FAM78B: variants seen among roughly 807,000 people sequenced by gnomAD.
FAM78B encodes the protein family with sequence similarity 78 member B.
Under a neutral mutation model 20.0 loss-of-function variants are expected in FAM78B, and 10 were observed. The observed-to-expected ratio is 0.50, with a 90% CI of 0.31 to 0.85. The LOEUF (loss-of-function observed/expected upper bound fraction) is 0.85. Ranked by LOEUF, FAM78B falls within the 40% of genes least tolerant of loss-of-function variation. The probability of loss-of-function intolerance (pLI) is 0.05; values close to 1 mark genes in which losing one functional copy is unlikely to be tolerated. For missense variants in FAM78B, 283 were observed against 345.0 expected, an observed-to-expected ratio of 0.82 and a Z score of 1.42; for synonymous variants, 135 against 132.8, an observed-to-expected ratio of 1.02 and a Z score of -0.12.
chr1:166,056,338 T>C (rs1174648954), downstream of FAM78B, among the ~76,000 whole-genome samples: 1 of 152,078 alleles, frequency 6.6e-6, no homozygotes, highest in Admixed American at 6.6e-5. Context: ...AATTAGTGAC[T>C]TTCAGCCCTC....
chr1:166,119,484 C>T (rs1050096099), intron 1 of FAM78B, among the ~76,000 whole-genome samples: 2 of 152,204 alleles, frequency 1.3e-5, no homozygotes, highest in African/African-American at 2.4e-5. Context: ...ATCGGGCCTC[C>T]GCTTTCTGTG....
chr1:166,066,259 C>T (rs1487496556), downstream of FAM78B, among the ~76,000 whole-genome samples: 3 of 152,238 alleles, frequency 2.0e-5, no homozygotes, highest in Admixed American at 2.0e-4. Context: ...TGCTGAGTGA[C>T]AGCTAGCTCA....
chr1:166,109,890 GTATATATATATATATA>G (rs1200752162), intron 1 of FAM78B, among the ~76,000 whole-genome samples: 2 of 23,192 alleles, frequency 8.6e-5, no homozygotes, highest in African/African-American at 1.8e-4. Flanking sequence ...ATGTATATAT[GTATATATATATATATA>G]TATATATATA....
At chr1:166,132,539 T>C (rs1429501576) in intron 1 of FAM78B, among the ~76,000 whole-genome samples, 1 of 152,204 alleles carries the variant, frequency 6.6e-6, no homozygotes, top group Admixed American at 6.5e-5. Flanking sequence ...ATGTCAACCA[T>C]TATGACAAAG....
chr1:166,075,012 T>C (rs1652209607), intron 1 of FAM78B, among the ~76,000 whole-genome samples: 1 of 152,272 alleles, frequency 6.6e-6, no homozygotes, highest in Admixed American at 6.5e-5. Context: ...AGCATGGATG[T>C]GAGTGTCCAG....
intron 1 of FAM78B, among the ~76,000 whole-genome samples, chr1:166,103,061 T>C (rs984793873): frequency 1.3e-5 from 2 of 152,100 alleles, no homozygotes; most frequent in African/African-American, 2.4e-5. Flanking sequence ...CACTCAAAAC[T>C]GCTCAACTAC....
At chr1:166,125,346 C>T (rs780480647) in intron 1 of FAM78B, among the ~76,000 whole-genome samples, 2 of 152,116 alleles carry the variant, frequency 1.3e-5, no homozygotes, top group South Asian at 2.1e-4. Context: ...CAATGGGCCT[C>T]GGAGCTCAGT....
At chr1:166,115,891 C>T (rs1654235247) in intron 1 of FAM78B, among the ~76,000 whole-genome samples, 1 of 152,202 alleles carries the variant, frequency 6.6e-6, no homozygotes, top group Non-Finnish European at 1.5e-5. Context: ...AATAACAATA[C>T]CTGTTCTCTA....
intron 1 of FAM78B, among the ~76,000 whole-genome samples, chr1:166,149,528 T>C (rs942258128): frequency 1.6e-4 from 24 of 152,230 alleles, no homozygotes; most frequent in Admixed American, 1.3e-3. Flanking sequence ...GGATGGCAAG[T>C]GTGGCCACCT....
rs1656368877 is a variant in FAM78B at position 166,166,125 on chromosome 1, G to A, written c.124C>T (p.Leu42=). ...TTGAAGTAGGGGGTCTTGTAGCGCA[G>A]GACGATGGGCGAGGTCTCCTCGATG... The part of the protein sequence containing the change: ...TRIEETSPIV[L]RYKTPYFKAS... The change falls in exon 1 of 2, where the codon CTG becomes TTG. Residue 42 remains leucine (L), a synonymous_variant. Coordinates refer to ENST00000354422, the MANE Select transcript of FAM78B (RefSeq NM_001017961.5). The A allele has an allele frequency of 4.3e-6, 7 of 1,610,986 alleles. No homozygotes were observed. Among genetic ancestry groups the A allele is most frequent in the Non-Finnish European group, 5.1e-6 (6 of 1,178,548 alleles).
chr1:166,064,116 C>T (rs1240782976), intron 2 of FAM78B, among the ~76,000 whole-genome samples: 1 of 152,112 alleles, frequency 6.6e-6, no homozygotes, highest in East Asian at 1.9e-4. Flanking sequence ...CCATGTAGGG[C>T]CATGGGGAAT....
intron 1 of FAM78B, among the ~76,000 whole-genome samples, chr1:166,096,565 A>C (rs1393909219): frequency 6.6e-6 from 1 of 152,186 alleles, no homozygotes; most frequent in Non-Finnish European, 1.5e-5. Flanking sequence ...AGTCCTAGCT[A>C]TGTGACCTAG....
At chr1:166,138,144 T>C (rs989747689) in intron 1 of FAM78B, among the ~76,000 whole-genome samples, 1 of 152,164 alleles carries the variant, frequency 6.6e-6, no homozygotes, top group African/African-American at 2.4e-5. Context: ...ATGACGGCAG[T>C]AGGACCTAGA....
At chr1:166,114,473 T>C (rs1654183572) in intron 1 of FAM78B, among the ~76,000 whole-genome samples, 1 of 152,214 alleles carries the variant, frequency 6.6e-6, no homozygotes, top group Admixed American at 6.5e-5. Context: ...TACTGAATAC[T>C]ACACTTCCCC....
chr1:166,066,744 T>C (rs1419607353), downstream of FAM78B, among the ~76,000 whole-genome samples: 1 of 149,398 alleles, frequency 6.7e-6, no homozygotes, highest in Admixed American at 6.7e-5. Context: ...GCTTAGTACA[T>C]GCTTTTGACC....
chr1:166,095,291 C>T (rs1401647455), intron 1 of FAM78B, among the ~76,000 whole-genome samples: 1 of 151,760 alleles, frequency 6.6e-6, no homozygotes, highest in Non-Finnish European at 1.5e-5. Context: ...GCAAGAGCAG[C>T]CGGAGTGCAG....
downstream of FAM78B, among the ~76,000 whole-genome samples, chr1:166,065,378 A>G (rs1651758771): frequency 6.6e-6 from 1 of 152,190 alleles, no homozygotes; most frequent in South Asian, 2.1e-4. Context: ...TGAGGATAAA[A>G]TGGCAAAATA....
At chr1:166,129,086 C>T (rs1654773231) in intron 1 of FAM78B, among the ~76,000 whole-genome samples, 2 of 152,174 alleles carry the variant, frequency 1.3e-5, no homozygotes, top group Admixed American at 6.5e-5. Flanking sequence ...CTCACATCCT[C>T]AAGAGTCCAG....
chr1:166,079,573 A>G (rs1652486005), intron 1 of FAM78B, among the ~76,000 whole-genome samples: 1 of 152,048 alleles, frequency 6.6e-6, no homozygotes, highest in Admixed American at 6.6e-5. Flanking sequence ...ATCTTTTTCA[A>G]TGTGGTACAG....
Sources: gnomAD v4.1 joint callset for allele counts (sites outside exome capture counted in the v4.1 genomes callset) on GRCh38, gnomAD v4.1.1 for gene constraint, MANE v1.5 for transcripts, NCBI Gene and HGNC (gene_info 2026-07-23, HGNC 2026-07-21) for gene names.